NOP53: variants seen among roughly 807,000 people sequenced by gnomAD.
NOP53 encodes NOP53 ribosome biogenesis factor.
A neutral mutation model predicts 61.0 loss-of-function variants in NOP53; 40 were observed. The ratio of observed to expected loss-of-function variants is 0.66; its 90% CI spans 0.51 to 0.85. The LOEUF is 0.85. NOP53 is among the 40% of genes least tolerant of loss of function. The pLI, the probability that NOP53 is intolerant of heterozygous loss-of-function variation, is 0.00. For synonymous variants in NOP53, 308 were observed against 289.5 expected (o/e 1.06, Z -0.65); for missense variants, 689 against 652.9 (o/e 1.06, Z -0.60).
At chr19:47,756,797 G>A in intron 12 of NOP53, 53 bp downstream of exon 12, 1 of 1,588,032 alleles carries the variant, frequency 6.3e-7, no homozygotes, top group East Asian at 2.2e-5. Flanking sequence ...CCACCCCGTG[G>A]TGCCCACCGA....
intron 2 of NOP53, among the ~76,000 whole-genome samples, chr19:47,748,537 T>C (rs147076636): frequency 0.031 from 4,748 of 152,150 alleles, 139 homozygotes; most frequent in Middle Eastern, 0.055. Context: ...CCTGGTTCAG[T>C]GACCAGATAG....
In NOP53 at chr19:47,756,109, C is replaced by T; in HGVS notation, c.1296+287C>T. ...GGACCTTCCTGAAGCTCAGAACCAA[C>T]CCTGTCCCTCCCCTGCTCGGAACCT... is the stretch of plus-strand genomic sequence containing the variant. On this transcript the variant is annotated intron_variant, in intron 10 of 12. Transcript: ENST00000246802. The T allele has an allele frequency of 3.7e-6, 2 of 535,058 alleles. 1 individual carries two copies. The highest frequency in any genetic ancestry group is 6.7e-6 in the Non-Finnish European group (2 of 298,108). The allele number at this position is 535,058 out of a possible 1,614,324, so 33.1% of individuals were successfully genotyped here.
Position 47,756,986 on chromosome 19 carries a change from C to T in NOP53, c.1431-13C>T, listed in dbSNP as rs755423689. On this transcript the variant is annotated splice_polypyrimidine_tract_variant and intron_variant, in intron 12 of 12. Transcript: ENST00000246802. ...CCTCTCACCCACCCTCAGCTCCTTT[C>T]CTCTGTCCCCAGGTTGTAGCTGCCA... 27 of 1,614,018 alleles carry T rather than the reference C, an allele frequency of 1.7e-5. No individual in the cohort carries two copies. Among genetic ancestry groups the T allele is most frequent in the Non-Finnish European group, 2.0e-5 (24 of 1,179,956 alleles).
rs75052749 is a variant in NOP53, at chr19:47,751,082, C to G, written c.573C>G (p.Pro191=). Residue 191 remains proline (P), a synonymous_variant, in exon 4 of 13, where the codon CCC becomes CCG. Transcript: ENST00000246802. ...KPGPQDTVER[P]FYDLWASDNP... is the part of the protein sequence containing the mutation. ...GGCCCCAGGACACCGTAGAGCGGCC[C>G]TTCTACGACCTCTGGGCCTCAGACA... 696 of 1,608,650 alleles carry G rather than the reference C, an allele frequency of 4.3e-4. 1 individual carries two copies. The African/African-American group carries it at 8.2e-3, about 19-fold the overall frequency.
chr19:47,754,902 G>A lies in NOP53; in HGVS notation c.1053+11G>A. On this transcript the variant is annotated intron_variant, in intron 8 of 12. Coordinates refer to ENST00000246802, the MANE Select transcript of NOP53 (RefSeq NM_015710.5). The surrounding 1 kb of genome is among the most constrained non-coding windows in gnomAD (Gnocchi z 4.2). ...GCTGTGCACAGGCTGGTGAGCGCCT[G>A]GGCCAGCGGGGCCTGCCTCTGATGC... is the stretch of plus-strand genomic sequence containing the variant. The A allele has an allele frequency of 6.7e-7, 1 of 1,491,942 alleles. No individual in the cohort carries two copies. The highest frequency in any genetic ancestry group is 8.8e-7 in the Non-Finnish European group (1 of 1,132,060). 92.4% of individuals were successfully genotyped at this position (1,491,942 alleles called of 1,614,324 possible). A position where few individuals can be genotyped will look rare whatever the true frequency, so the allele number is the denominator to read the frequency against.
intron 2 of NOP53, 142 bp downstream of exon 2, chr19:47,747,173 C>A: frequency 1.6e-6 from 1 of 634,588 alleles, no homozygotes; most frequent in Non-Finnish European, 2.7e-6. Context: ...AACAAGGGGA[C>A]CTCAAATGGG....
At position 47,755,777 on chromosome 19, in the gene NOP53, C is replaced by T. The variant is rs374329179; in HGVS notation, c.1251C>T (p.Asp417=). The T allele has an allele frequency of 1.4e-5, 22 of 1,610,892 alleles. No homozygotes were observed. The highest frequency in any genetic ancestry group is 6.7e-5 in the Admixed American group (4 of 59,756). ...GCAGGTACCAGGCACCTGACATCGA[C>T]GTGCAGCTGAGCTCGGAGCTGACAG... ...GRLKYQAPDI[D]VQLSSELTDS... is the part of the protein sequence containing the mutation. The change falls in exon 10 of 13, where the codon GAC becomes GAT. Residue 417 remains aspartate, a synonymous_variant. Coordinates refer to ENST00000246802, the MANE Select transcript of NOP53 (RefSeq NM_015710.5).
rs767388960 is a variant in NOP53 at position 47,746,947 on chromosome 19, T to C, written c.225-20T>C. ...CCTCTCCAACATCTCTGGCTGATGTTCTGCATTTCTGTCCCCCAGTGGCTT... is the reference window on the plus strand; with the variant it reads ...CCTCTCCAACATCTCTGGCTGATGTCCTGCATTTCTGTCCCCCAGTGGCTT... On this transcript the variant is annotated intron_variant, in intron 1 of 12. Transcript: ENST00000246802. 6 of 1,606,590 alleles carry C rather than the reference T, an allele frequency of 3.7e-6. No individual in the cohort carries two copies. The Admixed American group carries it at 1.0e-4, about 27-fold the overall frequency.
At chr19:47,756,630 G>T (rs373258645) in intron 11 of NOP53, 26 bp downstream of exon 11, 3 of 1,613,306 alleles carry the variant, frequency 1.9e-6, no homozygotes, top group Non-Finnish European at 2.5e-6. Context: ...GGCTGCTGTG[G>T]GGCGAGGGCA....
rs754055390 is a variant in NOP53 at position 47,755,383 on chromosome 19, C to T, written c.1089C>T (p.Leu363=). Reference sequence around the variant, plus strand: ...AGGCCGCGTTGCGGGCCGCCCGGCTCCGGCACCAGGAGCTGTTCCGGCTGC... The same window carrying T: ...AGGCCGCGTTGCGGGCCGCCCGGCTTCGGCACCAGGAGCTGTTCCGGCTGC... ...VQQAALRAAR[L]RHQELFRLRG... The change falls in exon 9 of 13, where the codon CTC becomes CTT. Residue 363 remains leucine (L), a synonymous_variant. Transcript: ENST00000246802. 1.5e-5 allele frequency: 23 copies of T among 1,526,078 alleles called. No homozygotes were observed. The South Asian group carries it at 1.8e-4, about 12-fold the overall frequency. The allele number at this position is 1,526,078 out of a possible 1,614,324, so 94.5% of individuals were successfully genotyped here.
At position 47,752,568 on chromosome 19, in the gene NOP53, T is replaced by C. The variant is rs925049839; in HGVS notation, c.726T>C (p.Pro242=). Residue 242 remains proline, a synonymous_variant, in exon 6 of 13, where the codon CCT becomes CCC. Coordinates refer to ENST00000246802, the MANE Select transcript of NOP53 (RefSeq NM_015710.5). The part of the protein sequence containing the change: ...PSQAPAVEVA[P]AGASYNPSFE... ...AGGCACCCGCCGTGGAGGTGGCGCC[T>C]GCCGGAGCTTCCTACAATCCATCCT... 5.0e-6 allele frequency: 8 copies of C among 1,611,282 alleles called. No homozygotes were observed. Among genetic ancestry groups the C allele is most frequent in the Non-Finnish European group, 6.8e-6 (8 of 1,178,584 alleles).
chr19:47,754,498 A>G lies in NOP53; in HGVS notation c.766-29A>G, dbSNP rs1258428150. ...AGTCTCAGTGTCCCAGGAGGGGTTC[A>G]GGGACCCATCCTCACTCCCGCCCCT... On this transcript the variant is annotated intron_variant, in intron 6 of 12. Coordinates refer to ENST00000246802, the MANE Select transcript of NOP53 (RefSeq NM_015710.5). The surrounding 1 kb of genome is among the most constrained non-coding windows in gnomAD (Gnocchi z 4.2). 6 of 1,478,276 alleles carry G rather than the reference A, an allele frequency of 4.1e-6. No individual in the cohort carries two copies. Among genetic ancestry groups the G allele is most frequent in the East Asian group, 2.5e-5 (1 of 40,494 alleles). 91.6% of individuals were successfully genotyped at this position (1,478,276 alleles called of 1,614,324 possible).
intron 5 of NOP53, 78 bp from the exon 6 acceptor site, chr19:47,752,434 A>G (rs896179026): frequency 4.7e-5 from 41 of 880,146 alleles, no homozygotes; most frequent in Middle Eastern, 3.2e-4. Flanking sequence ...GGCCTGGAGC[A>G]TCTGCCCCAT....
intron 10 of NOP53, chr19:47,756,081 G>T: frequency 1.8e-6 from 1 of 558,512 alleles, no homozygotes; most frequent in Non-Finnish European, 3.2e-6. Flanking sequence ...TTTAGGACTA[G>T]AGGGACCTTC....
intron 9 of NOP53, 49 bp from the exon 10 acceptor site, chr19:47,755,707 C>G: frequency 6.5e-7 from 1 of 1,527,706 alleles, no homozygotes. Flanking sequence ...GACTGGGTGT[C>G]CTGGGCCCCG....
chr19:47,756,016 G>A (rs548899306), intron 10 of NOP53, 194 bp downstream of exon 10: 6 of 593,754 alleles, frequency 1.0e-5, no homozygotes, highest in African/African-American at 5.6e-5. Context: ...GTTTGAGTCC[G>A]GGACCCTAAG....
intron 2 of NOP53, 128 bp downstream of exon 2, chr19:47,747,159 T>A: frequency 1.5e-6 from 1 of 684,372 alleles, no homozygotes; most frequent in Non-Finnish European, 2.5e-6. Flanking sequence ...TCAACCTTAA[T>A]ATAAACAAGG....
At chr19:47,749,935 C>T (rs1306465710) in intron 2 of NOP53, among the ~76,000 whole-genome samples, 3 of 152,088 alleles carry the variant, frequency 2.0e-5, no homozygotes, top group Non-Finnish European at 2.9e-5. Flanking sequence ...CGTGACTCTT[C>T]GTGTCCCCAG....
At chr19:47,755,920 C>T (rs1396394310) in intron 10 of NOP53, 98 bp downstream of exon 10, 2 of 1,043,510 alleles carry the variant, frequency 1.9e-6, no homozygotes. Flanking sequence ...CATGGCTGCC[C>T]CTGGGCTGGG....
Sources: gnomAD v4.1 joint callset for allele counts (sites outside exome capture counted in the v4.1 genomes callset) on GRCh38, gnomAD v4.1.1 for gene constraint, Gnocchi (gnomAD v3.1) non-coding constraint, MANE v1.5 for transcripts, NCBI Gene and HGNC (gene_info 2026-07-23, HGNC 2026-07-21) for gene names.